GRM1: variants seen among roughly 807,000 people sequenced by gnomAD.
The protein encoded by GRM1 is metabotropic glutamate receptor 1.
In GRM1, 33 loss-of-function variants were observed where a neutral mutation model predicts 90.9. The ratio of observed to expected loss-of-function variants is 0.36; its 90% CI spans 0.28 to 0.49. The LOEUF is 0.49. Among genes scored for constraint, GRM1 ranks in the 20% least tolerant of loss-of-function variants. The pLI is 0.99. For missense variants in GRM1, 1,190 were observed against 1,534.3 expected (o/e 0.78, Z 3.75); for synonymous variants, 700 against 613.2 (o/e 1.14, Z -2.09).
intron 7 of GRM1, among the ~76,000 whole-genome samples, chr6:146,426,233 G>A (rs971248189): frequency 2.6e-4 from 39 of 152,168 alleles, no homozygotes; most frequent in African/African-American, 9.2e-4. Context: ...ATCAGTGTAA[G>A]TAGAGATGAA....
chr6:146,267,460 GTTTATTAAGTA>G (rs1360307541), intron 2 of GRM1, among the ~76,000 whole-genome samples: 1 of 152,104 alleles, frequency 6.6e-6, no homozygotes, highest in African/African-American at 2.4e-5. Context: ...ATATAGGGGA[GTTTATTAAGTA>G]TTAACATACA....
At chr6:146,198,163 C>A (rs1006054915) in intron 2 of GRM1, among the ~76,000 whole-genome samples, 1 of 152,196 alleles carries the variant, frequency 6.6e-6, no homozygotes, top group Non-Finnish European at 1.5e-5. Flanking sequence ...ATCAATTATA[C>A]CTCAATAAAG....
At chr6:146,179,869 G>C (rs1295658410) in intron 2 of GRM1, among the ~76,000 whole-genome samples, 1 of 147,492 alleles carries the variant, frequency 6.8e-6, no homozygotes. Context: ...TCTTTTAAGA[G>C]TTTGAAAAAC....
At chr6:146,356,760 C>T (rs3819838) in intron 4 of GRM1, among the ~76,000 whole-genome samples, 30,140 of 151,946 alleles carry the variant, frequency 0.2, 3,302 homozygotes, top group Middle Eastern at 0.27. Context: ...TTAGATCTTG[C>T]GTTCTTTAGA....
intron 2 of GRM1, among the ~76,000 whole-genome samples, chr6:146,297,535 A>G (rs1196175829): frequency 6.6e-6 from 1 of 152,138 alleles, no homozygotes; most frequent in Non-Finnish European, 1.5e-5. Flanking sequence ...GATACTTAGG[A>G]TGAATTAGCA....
chr6:146,127,741 G>C (rs1390111504), intron 1 of GRM1, among the ~76,000 whole-genome samples: 1 of 152,098 alleles, frequency 6.6e-6, no homozygotes, highest in Non-Finnish European at 1.5e-5. Context: ...ATCTCCCCAA[G>C]GTTCAGTTTC....
At chr6:146,409,407 C>T (rs1777478520) in intron 7 of GRM1, among the ~76,000 whole-genome samples, 1 of 152,098 alleles carries the variant, frequency 6.6e-6, no homozygotes, top group Non-Finnish European at 1.5e-5. Context: ...TTAGAGGATC[C>T]ATTTGTTATG....
intron 2 of GRM1, among the ~76,000 whole-genome samples, chr6:146,289,544 G>A (rs1345707775): frequency 6.6e-6 from 1 of 152,142 alleles, no homozygotes. Context: ...GTACGTTTAT[G>A]TAGCCTAAAT....
intron 5 of GRM1, among the ~76,000 whole-genome samples, chr6:146,368,266 G>GGC (rs1269561754): frequency 5.8e-5 from 8 of 137,094 alleles, no homozygotes; most frequent in East Asian, 4.7e-4. Context: ...TTTTTGGGGG[G>GGC]GGGGGTAGAA....
At chr6:146,102,103 G>A (rs147581279) in intron 1 of GRM1, among the ~76,000 whole-genome samples, 55 of 152,050 alleles carry the variant, frequency 3.6e-4, no homozygotes, top group African/African-American at 1.1e-3. Context: ...GATCTCGCTC[G>A]CCTCTTGTTC....
intron 1 of GRM1, among the ~76,000 whole-genome samples, chr6:146,102,570 G>T (rs1292891274): frequency 6.6e-6 from 1 of 152,088 alleles, no homozygotes; most frequent in Non-Finnish European, 1.5e-5. Context: ...AGATTTCTTT[G>T]CATTCTGGTC....
intron 2 of GRM1, among the ~76,000 whole-genome samples, chr6:146,257,642 G>A (rs1226508529): frequency 6.6e-6 from 1 of 152,052 alleles, no homozygotes; most frequent in Non-Finnish European, 1.5e-5. Context: ...CTACGAGCTG[G>A]ATACCCAAGA....
Position 146,151,195 on chromosome 6 carries a change from G to T in GRM1, c.701-8153G>T, listed in dbSNP as rs867916780. Among the ~76,000 whole-genome samples the T allele has an allele frequency of 2.0e-5, 3 of 152,072 alleles. No homozygotes were observed. The East Asian group carries it at 5.8e-4, about 29-fold the overall frequency. ...AGAGAGACTACATGAAATAACCCAG[G>T]AATTAAGAGTGTCTAGAGTATAAGA... On this transcript the variant is annotated intron_variant, in intron 1 of 7. Coordinates refer to ENST00000282753, the MANE Select transcript of GRM1 (RefSeq NM_001278064.2).
chr6:146,313,197 T>C (rs901106890), intron 3 of GRM1, among the ~76,000 whole-genome samples: 4 of 152,320 alleles, frequency 2.6e-5, no homozygotes, highest in Non-Finnish European at 5.9e-5. Flanking sequence ...TGAATTTTAT[T>C]TTTACTATGC....
chr6:146,395,920 A>G (rs533760321), intron 6 of GRM1, among the ~76,000 whole-genome samples: 8 of 152,294 alleles, frequency 5.3e-5, no homozygotes, highest in Middle Eastern at 3.4e-3. Flanking sequence ...TTGCAGGATG[A>G]CAGCTAAAGA....
At chr6:146,141,244 T>C (rs1165667937) in intron 1 of GRM1, among the ~76,000 whole-genome samples, 2 of 152,264 alleles carry the variant, frequency 1.3e-5, no homozygotes, top group African/African-American at 2.4e-5. Context: ...AAAAGTCTGC[T>C]GCCAGACATA....
At chr6:146,411,955 A>G (rs1438455939) in intron 7 of GRM1, among the ~76,000 whole-genome samples, 2 of 152,290 alleles carry the variant, frequency 1.3e-5, no homozygotes, top group African/African-American at 4.8e-5. Flanking sequence ...GATCTCTGTA[A>G]GGTGGAGGTG....
chr6:146,083,978 A>G (rs1041624111), intron 1 of GRM1, among the ~76,000 whole-genome samples: 9 of 152,350 alleles, frequency 5.9e-5, no homozygotes, highest in African/African-American at 2.2e-4. Flanking sequence ...GTATGTGTCC[A>G]GGAATTTATC....
chr6:146,072,272 C>T (rs1776040825), intron 1 of GRM1, among the ~76,000 whole-genome samples: 1 of 152,124 alleles, frequency 6.6e-6, no homozygotes, highest in Non-Finnish European at 1.5e-5. Context: ...TGCTCAGATA[C>T]TTCCATTAGG....
Sources: allele counts gnomAD v4.1 joint callset (sites outside exome capture counted in the v4.1 genomes callset), GRCh38; gene constraint gnomAD v4.1.1; transcripts MANE v1.5; gene names NCBI Gene and HGNC (gene_info 2026-07-23, HGNC 2026-07-21).